ANKFN1: variants seen among roughly 807,000 people sequenced by gnomAD.
ANKFN1 encodes the protein ankyrin repeat and fibronectin type-III domain-containing protein 1.
In ANKFN1, 74 loss-of-function variants were observed where a neutral mutation model predicts 108.7. That is an observed-to-expected ratio of 0.68 (90% CI 0.56 to 0.83). The LOEUF (loss-of-function observed/expected upper bound fraction) is 0.83. Ranked by LOEUF, ANKFN1 falls within the 40% of genes least tolerant of loss-of-function variation. ANKFN1 has a pLI of 0.00. For synonymous variants in ANKFN1, 547 were observed against 516.2 expected (o/e 1.06, Z -0.81); for missense variants, 1,505 against 1,382.3 (o/e 1.09, Z -1.41).
chr17:56,470,862 C>CA (rs1451490968), intron 15 of ANKFN1, among the ~76,000 whole-genome samples: 1 of 152,108 alleles, frequency 6.6e-6, no homozygotes, highest in Non-Finnish European at 1.5e-5. Flanking sequence ...TTATTGTGGA[C>CA]AAGAGTCCCT....
chr17:56,260,281 G>A (rs911754630), intron 3 of ANKFN1, among the ~76,000 whole-genome samples: 1 of 152,172 alleles, frequency 6.6e-6, no homozygotes, highest in African/African-American at 2.4e-5. Context: ...ATGAATCAGA[G>A]GCATATGGAT....
chr17:56,107,926 A>G (rs576912305), intron 4 of ANKFN1, among the ~76,000 whole-genome samples: 21 of 152,290 alleles, frequency 1.4e-4, no homozygotes, highest in Admixed American at 1.2e-3. Flanking sequence ...CAATGGCACA[A>G]TCTCAGCTTA....
upstream of ANKFN1, among the ~76,000 whole-genome samples, chr17:56,149,805 G>A (rs1053420416): frequency 2.6e-5 from 4 of 152,198 alleles, no homozygotes; most frequent in Non-Finnish European, 4.4e-5. Flanking sequence ...TCTCCATGAC[G>A]ACATCCCTCC....
intron 2 of ANKFN1, among the ~76,000 whole-genome samples, chr17:56,219,573 T>A (rs889771486): frequency 1.3e-5 from 2 of 152,244 alleles, no homozygotes; most frequent in Non-Finnish European, 2.9e-5. Context: ...TAAAATATTT[T>A]AATATTCAAG....
intron 6 of ANKFN1, among the ~76,000 whole-genome samples, chr17:56,366,987 G>A (rs1381857888): frequency 6.6e-6 from 1 of 152,142 alleles, no homozygotes; most frequent in Non-Finnish European, 1.5e-5. Flanking sequence ...CAGGACCAAG[G>A]GTACTAAAGG....
chr17:56,319,514 T>TCTCTG (rs1187135911), intron 3 of ANKFN1, among the ~76,000 whole-genome samples: 1 of 152,152 alleles, frequency 6.6e-6, no homozygotes, highest in Non-Finnish European at 1.5e-5. Context: ...GATCCCAACA[T>TCTCTG]CTCTGCCATG....
intron 1 of ANKFN1, among the ~76,000 whole-genome samples, chr17:56,174,721 C>G (rs779404408): frequency 6.6e-6 from 1 of 152,200 alleles, no homozygotes; most frequent in Non-Finnish European, 1.5e-5. Flanking sequence ...CACTGACTCC[C>G]ACGTCAGAGA....
intron 4 of ANKFN1, among the ~76,000 whole-genome samples, chr17:56,082,431 C>T (rs1905259381): frequency 9.4e-6 from 1 of 106,644 alleles, no homozygotes; most frequent in African/African-American, 2.9e-5. Flanking sequence ...AAATCCCTAT[C>T]ACACACACAC....
chr17:56,347,494 A>G (rs553555639), intron 4 of ANKFN1, among the ~76,000 whole-genome samples: 15 of 152,194 alleles, frequency 9.9e-5, no homozygotes, highest in Non-Finnish European at 1.6e-4. Context: ...CAAGATTCCA[A>G]TTGGGTCTAC....
At chr17:56,266,746 C>T (rs920473812) in intron 3 of ANKFN1, among the ~76,000 whole-genome samples, 2 of 152,016 alleles carry the variant, frequency 1.3e-5, no homozygotes, top group Non-Finnish European at 2.9e-5. Context: ...TTCAATATCC[C>T]TTATATGAAG....
At chr17:56,147,552 GATAAAACC>G (rs1162648241) in intron 4 of ANKFN1, among the ~76,000 whole-genome samples, 2 of 151,364 alleles carry the variant, frequency 1.3e-5, no homozygotes, top group Non-Finnish European at 3.0e-5. Context: ...GGAAGCCCCT[GATAAAACC>G]ATCAGATCTC....
intron 12 of ANKFN1, 91 bp from the exon 13 acceptor site, chr17:56,457,166 G>T: frequency 5.4e-6 from 7 of 1,305,734 alleles, no homozygotes; most frequent in Non-Finnish European, 7.4e-6. Flanking sequence ...ACGTTCCTAG[G>T]TATATTTTAA....
chr17:56,482,453 C>T lies in ANKFN1; in HGVS notation c.2189C>T (p.Ala730Val). The T allele has an allele frequency of 6.2e-7, 1 of 1,613,706 alleles. No individual in the cohort carries two copies. The highest frequency in any genetic ancestry group is 8.5e-7 in the Non-Finnish European group (1 of 1,179,746). Residue 730 changes from alanine to valine, a missense_variant, in exon 18 of 21, where the codon GCC becomes GTC. Coordinates refer to ENST00000682825, the MANE Select transcript of ANKFN1 (RefSeq NM_001370326.1). The stretch of plus-strand genomic sequence containing the variant: ...CCTGCCTCAGACGACGTCTGTACAG[C>T]CCCAGGACAGAATAATCCTTACACC... The part of the protein sequence containing the change: ...LLPASDDVCT[A>V]PGQNNPYTPH...
chr17:56,072,459 C>A (rs1438861660), intron 4 of ANKFN1, among the ~76,000 whole-genome samples: 1 of 152,130 alleles, frequency 6.6e-6, no homozygotes, highest in Non-Finnish European at 1.5e-5. Flanking sequence ...GTTCCTATTG[C>A]ATGTTCAATG....
At chr17:56,217,217 CCTCT>C (rs1260717939) in intron 2 of ANKFN1, among the ~76,000 whole-genome samples, 3 of 152,178 alleles carry the variant, frequency 2.0e-5, no homozygotes, top group Non-Finnish European at 4.4e-5. Context: ...AGAGATCTCA[CCTCT>C]CTACTGTTCA....
intron 1 of ANKFN1, among the ~76,000 whole-genome samples, chr17:56,167,698 AGGAAGCTCTGCACCATGTAGTCACTCAG>A (rs1567814281): frequency 6.6e-6 from 1 of 152,160 alleles, no homozygotes; most frequent in Non-Finnish European, 1.5e-5. Flanking sequence ...GCAGGCAAGC[AGGAAGCTCTGCACCATGTAGTCACTCAG>A]GGACCTAGGC....
intron 8 of ANKFN1, among the ~76,000 whole-genome samples, chr17:56,389,198 T>C (rs915291811): frequency 6.6e-6 from 1 of 152,192 alleles, no homozygotes; most frequent in Non-Finnish European, 1.5e-5. Flanking sequence ...TTGTGGTATA[T>C]CCATACCATG....
At chr17:56,263,465 C>A (rs2043572668) in intron 3 of ANKFN1, among the ~76,000 whole-genome samples, 1 of 152,160 alleles carries the variant, frequency 6.6e-6, no homozygotes, top group South Asian at 2.1e-4. Flanking sequence ...TTTTCTAGAT[C>A]ATAAATATAG....
chr17:56,382,111 A>G (rs1430051693), intron 8 of ANKFN1, among the ~76,000 whole-genome samples: 1 of 152,242 alleles, frequency 6.6e-6, no homozygotes, highest in Non-Finnish European at 1.5e-5. Flanking sequence ...AAGGAAGCCC[A>G]TCAGACTAAC....
Sources: gnomAD v4.1 joint callset for allele counts (sites outside exome capture counted in the v4.1 genomes callset) on GRCh38, gnomAD v4.1.1 for gene constraint, MANE v1.5 for transcripts, NCBI Gene and HGNC (gene_info 2026-07-23, HGNC 2026-07-21) for gene names.